PSD3: variants seen among roughly 807,000 people sequenced by gnomAD.
The protein encoded by PSD3 is PH and SEC7 domain-containing protein 3.
In PSD3, 49 loss-of-function variants were observed where a neutral mutation model predicts 105.5. The observed-to-expected ratio is 0.46, with a 90% CI of 0.37 to 0.59. The LOEUF (loss-of-function observed/expected upper bound fraction) is 0.59, where lower values mean the gene tolerates loss of function less well. Ranked by LOEUF, PSD3 falls within the 20% of genes least tolerant of loss-of-function variation. The pLI, the probability that PSD3 is intolerant of heterozygous loss-of-function variation, is 0.00. For missense variants in PSD3, 1,561 were observed against 1,263.8 expected (o/e 1.24, Z -3.57); for synonymous variants, 557 against 457.8 (o/e 1.22, Z -2.77).
intron 4 of PSD3, among the ~76,000 whole-genome samples, chr8:18,821,077 G>T (rs1166815232): frequency 6.6e-6 from 1 of 152,002 alleles, no homozygotes; most frequent in South Asian, 2.1e-4. Context: ...TTAAAAACAA[G>T]ATTTTATTCT....
chr8:18,805,482 T>G (rs1563292322), intron 4 of PSD3, among the ~76,000 whole-genome samples: 1 of 152,212 alleles, frequency 6.6e-6, no homozygotes, highest in Non-Finnish European at 1.5e-5. Context: ...AATATCCTTT[T>G]CAGATAATTG....
intron 8 of PSD3, 74 bp downstream of exon 8, chr8:18,799,221 T>A: frequency 6.0e-6 from 8 of 1,322,514 alleles, no homozygotes; most frequent in Non-Finnish European, 8.7e-6. Context: ...AGGCAGAAAA[T>A]AAATGTGTTT....
Position 18,632,786 on chromosome 8 carries a change from T to G in PSD3, c.2237A>C (p.Lys746Thr). 1 of 1,575,540 alleles carries G rather than the reference T, an allele frequency of 6.3e-7. No homozygotes were observed. Among genetic ancestry groups the G allele is most frequent in the Non-Finnish European group, 8.7e-7 (1 of 1,150,918 alleles). The change falls in exon 11 of 16, where the codon AAG becomes ACG. Residue 746 changes from lysine (K) to threonine (T), a missense_variant. Physicochemically the swap from Lys to Thr is moderately conservative, Grantham distance 78 (BLOSUM62 -1). Coordinates refer to ENST00000327040, the MANE Select transcript of PSD3 (RefSeq NM_015310.4). ...CTCCTCAGTACTTTCTGAGGGAGAC[T>G]TTTTTTTCTCTTCATCATCTCTAAA... Reference protein sequence around the residue: ...EWAVDDEEKKKSPSESTEEKA... With the variant: ...EWAVDDEEKKTSPSESTEEKA...
chr8:18,830,730 G>A (rs566780368), intron 4 of PSD3, among the ~76,000 whole-genome samples: 10 of 152,298 alleles, frequency 6.6e-5, no homozygotes, highest in South Asian at 2.1e-4. Flanking sequence ...TTCGGAAGGC[G>A]TAGCTGTCCT....
At chr8:18,795,506 C>T (rs1426327377) in intron 8 of PSD3, among the ~76,000 whole-genome samples, 1 of 152,212 alleles carries the variant, frequency 6.6e-6, no homozygotes, top group Non-Finnish European at 1.5e-5. Flanking sequence ...AATGCCCTGG[C>T]TACTGCCTCT....
intron 1 of PSD3, among the ~76,000 whole-genome samples, chr8:19,022,723 C>G (rs1039730294): frequency 1.3e-5 from 2 of 152,198 alleles, no homozygotes; most frequent in Admixed American, 6.5e-5. Context: ...GAGTAGCACC[C>G]AGCTCTCTTC....
At chr8:18,865,439 T>C (rs1366811011) in intron 4 of PSD3, among the ~76,000 whole-genome samples, 1 of 151,534 alleles carries the variant, frequency 6.6e-6, no homozygotes, top group Non-Finnish European at 1.5e-5. Flanking sequence ...AAGAAAAATA[T>C]GGGTTTTTCA....
chr8:18,753,138 C>T (rs1417235957), intron 9 of PSD3, among the ~76,000 whole-genome samples: 1 of 151,966 alleles, frequency 6.6e-6, no homozygotes, highest in Admixed American at 6.6e-5. Context: ...AGGTGGATCA[C>T]GAGGTCAGGA....
intron 11 of PSD3, among the ~76,000 whole-genome samples, chr8:18,608,450 C>T (rs1805024438): frequency 6.6e-6 from 1 of 152,190 alleles, no homozygotes; most frequent in Non-Finnish European, 1.5e-5. Context: ...CTCACATACA[C>T]ATGAAGACCA....
chr8:18,546,562 T>C (rs892199317), intron 15 of PSD3, among the ~76,000 whole-genome samples: 3 of 152,236 alleles, frequency 2.0e-5, no homozygotes, highest in African/African-American at 7.2e-5. Context: ...TAAAATATTT[T>C]GGACATATAA....
At chr8:18,731,538 G>A (rs936145167) in intron 9 of PSD3, among the ~76,000 whole-genome samples, 1 of 152,170 alleles carries the variant, frequency 6.6e-6, no homozygotes, top group Non-Finnish European at 1.5e-5. Context: ...ACAGCTTGAG[G>A]AAAGGAATTG....
chr8:18,612,374 CA>C (rs1301608872), intron 11 of PSD3, among the ~76,000 whole-genome samples: 3 of 130,354 alleles, frequency 2.3e-5, no homozygotes, highest in Non-Finnish European at 5.1e-5. Context: ...GTTACTGATG[CA>C]TTTTTTTTTT....
rs936708724 is a variant in PSD3 at position 18,757,511 on chromosome 8, C to T, written c.2172+7938G>A. The stretch of plus-strand genomic sequence containing the variant: ...TAACTGCGTAGAGAAAATTCAGATT[C>T]TACTCTTTGTTTCTTTTCTACTTCG... On this transcript the variant is annotated intron_variant, in intron 9 of 15. Coordinates refer to ENST00000327040, the MANE Select transcript of PSD3 (RefSeq NM_015310.4). Among the ~76,000 whole-genome samples, 3 of 152,234 alleles carry T rather than the reference C, an allele frequency of 2.0e-5. No homozygotes were observed. The South Asian group carries it at 6.2e-4, about 32-fold the overall frequency.
chr8:19,074,584 GAT>G (rs57891868), intron 1 of PSD3, among the ~76,000 whole-genome samples: 55,516 of 102,784 alleles, frequency 0.54, 15,070 homozygotes, highest in East Asian at 0.77. Flanking sequence ...TTACAACTCA[GAT>G]ATATACATAT....
intron 8 of PSD3, among the ~76,000 whole-genome samples, chr8:18,782,625 G>A (rs1352309368): frequency 6.6e-6 from 1 of 152,236 alleles, no homozygotes; most frequent in Non-Finnish European, 1.5e-5. Flanking sequence ...AGCAGGTCAG[G>A]AGGACGAATC....
chr8:18,602,035 T>C (rs1279985763), intron 11 of PSD3, among the ~76,000 whole-genome samples: 1 of 152,174 alleles, frequency 6.6e-6, no homozygotes, highest in Non-Finnish European at 1.5e-5. Context: ...TTTTAAAATG[T>C]GGGTAATTCC....
At chr8:18,745,704 G>A (rs932625708) in intron 9 of PSD3, among the ~76,000 whole-genome samples, 2 of 152,302 alleles carry the variant, frequency 1.3e-5, no homozygotes, top group South Asian at 2.1e-4. Context: ...CCGCTCGGCA[G>A]GCAGAGCTAA....
At chr8:18,941,876 C>T (rs10105787) in intron 1 of PSD3, among the ~76,000 whole-genome samples, 26,707 of 151,646 alleles carry the variant, frequency 0.18, 2,536 homozygotes, top group African/African-American at 0.25. Context: ...TTTCACCATG[C>T]TGGCCAGGCT....
At chr8:18,892,852 C>T (rs550796137) in intron 2 of PSD3, among the ~76,000 whole-genome samples, 4 of 152,026 alleles carry the variant, frequency 2.6e-5, no homozygotes, top group South Asian at 4.2e-4. Flanking sequence ...CTCAAACTTC[C>T]GGCCTCAAAT....
Sources: gnomAD v4.1 joint callset for allele counts (sites outside exome capture counted in the v4.1 genomes callset) on GRCh38, gnomAD v4.1.1 for gene constraint, MANE v1.5 for transcripts, NCBI Gene and HGNC (gene_info 2026-07-23, HGNC 2026-07-21) for gene names.